Variants in BAIAP2 observed in about 807,000 individuals in gnomAD.
BAIAP2 encodes the protein BAR/IMD domain containing adaptor protein 2.
In BAIAP2, 18 loss-of-function variants were observed where a neutral mutation model predicts 63.0. That is an observed-to-expected ratio of 0.29 (90% CI 0.20 to 0.42). The LOEUF is 0.42. BAIAP2 is among the 10% of genes least tolerant of loss of function. The probability of loss-of-function intolerance (pLI) is 1.00; values close to 1 mark genes in which losing one functional copy is unlikely to be tolerated. For synonymous variants in BAIAP2, 386 were observed against 307.6 expected (o/e 1.25, Z -2.67); for missense variants, 610 against 734.3 (o/e 0.83, Z 1.96).
intron 3 of BAIAP2, among the ~76,000 whole-genome samples, chr17:81,067,731 G>A (rs929247803): frequency 3.3e-5 from 5 of 152,204 alleles, no homozygotes; most frequent in African/African-American, 4.8e-5. Flanking sequence ...GCCCAGCATC[G>A]CAGCGGGGAG....
chr17:81,076,805 CA>C (rs1242273552), intron 3 of BAIAP2, among the ~76,000 whole-genome samples: 1 of 152,018 alleles, frequency 6.6e-6, no homozygotes, highest in Admixed American at 6.5e-5. Flanking sequence ...CCCATGTCTA[CA>C]AAAGTATCTT....
chr17:81,112,327 C>T (rs1163680611), intron 13 of BAIAP2, among the ~76,000 whole-genome samples: 3 of 152,240 alleles, frequency 2.0e-5, no homozygotes, highest in African/African-American at 7.2e-5. Flanking sequence ...CAGTGGTGCT[C>T]AGCCCCAGCA....
intron 9 of BAIAP2, 72 bp downstream of exon 9, chr17:81,104,180 A>C (rs57792378): frequency 0.74 from 1,123,596 of 1,513,884 alleles, 418,875 homozygotes; most frequent in Middle Eastern, 0.85. Flanking sequence ...TCATGCCACA[A>C]CCCTCAATAG....
rs1388271303 is a variant in BAIAP2 at position 81,046,729 on chromosome 17, C to A, written c.55-6939C>A. ...TGCTGCAGGGCCCCTCCTGTACCTC[C>A]CTAGTCCATGCTGTACATGTGGCCG... On this transcript the variant is annotated intron_variant, in intron 1 of 13. Coordinates refer to ENST00000428708, the MANE Select transcript of BAIAP2 (RefSeq NM_001144888.2). The surrounding 1 kb of genome is among the most constrained non-coding windows in gnomAD (Gnocchi z 4.5). 1.3e-5 allele frequency among the ~76,000 whole-genome samples: 2 copies of A among 151,994 alleles called. No homozygotes were observed. Among genetic ancestry groups the A allele is most frequent in the Admixed American group, 6.5e-5 (1 of 15,270 alleles).
At chr17:81,044,496 C>T (rs1156721793) in intron 1 of BAIAP2, among the ~76,000 whole-genome samples, 1 of 152,252 alleles carries the variant, frequency 6.6e-6, no homozygotes, top group Non-Finnish European at 1.5e-5. Flanking sequence ...CCCTAGTGAC[C>T]CCAGTTACTT....
intron 3 of BAIAP2, among the ~76,000 whole-genome samples, chr17:81,081,781 G>A (rs572866092): frequency 1.2e-4 from 19 of 152,166 alleles, no homozygotes; most frequent in Non-Finnish European, 2.5e-4. Flanking sequence ...CATCCCGACC[G>A]TGAGAGGCCA....
At chr17:81,052,107 C>A (rs893555500) in intron 1 of BAIAP2, among the ~76,000 whole-genome samples, 2 of 152,220 alleles carry the variant, frequency 1.3e-5, no homozygotes, top group Non-Finnish European at 2.9e-5. Flanking sequence ...CTTCCTGCCT[C>A]CCCTGGGCCC....
Position 81,086,668 on chromosome 17 carries a change from G to A in BAIAP2, c.489+88G>A, listed in dbSNP as rs534635236. On this transcript the variant is annotated intron_variant, in intron 6 of 13. Coordinates refer to ENST00000428708, the MANE Select transcript of BAIAP2 (RefSeq NM_001144888.2). ...CCCCCTCGTCCACAGGGAGTGGACA[G>A]CAGCCCCCCAGGTGCGATCAGACAG... The A allele has an allele frequency of 9.5e-6, 14 of 1,475,946 alleles. No individual in the cohort carries two copies. In the East Asian group the frequency reaches 2.5e-4, roughly 26 times the overall value. 91.4% of individuals were successfully genotyped at this position (1,475,946 alleles called of 1,614,324 possible). A position where few individuals can be genotyped will look rare whatever the true frequency, so the allele number is the denominator to read the frequency against.
At chr17:81,057,602 G>C in intron 2 of BAIAP2, 1 of 1,147,558 alleles carries the variant, frequency 8.7e-7, no homozygotes, top group South Asian at 4.0e-5. Flanking sequence ...CACGTGATAG[G>C]GATCAGCTCT....
chr17:81,037,745 G>A (rs1275000734), intron 1 of BAIAP2, among the ~76,000 whole-genome samples: 3 of 152,254 alleles, frequency 2.0e-5, no homozygotes, highest in Non-Finnish European at 4.4e-5. Flanking sequence ...TGTCACCCGC[G>A]ATGCGGCTCA....
chr17:81,070,969 C>T (rs1405892207), intron 3 of BAIAP2, among the ~76,000 whole-genome samples: 1 of 152,232 alleles, frequency 6.6e-6, no homozygotes, highest in African/African-American at 2.4e-5. Flanking sequence ...CTCCCTCCAC[C>T]CCCATGTCCA....
chr17:81,110,558 G>A (rs1174005345), intron 13 of BAIAP2: 42 of 1,153,988 alleles, frequency 3.6e-5, no homozygotes, highest in Non-Finnish European at 4.5e-5. Flanking sequence ...GTGCGTCTTT[G>A]CCGTGGGGGC....
intron 13 of BAIAP2, among the ~76,000 whole-genome samples, chr17:81,115,460 T>C (rs182688408): frequency 7.9e-5 from 12 of 151,840 alleles, no homozygotes; most frequent in African/African-American, 2.4e-4. Context: ...TGGGAGGTTG[T>C]GGCTGGCCTG....
intron 3 of BAIAP2, among the ~76,000 whole-genome samples, chr17:81,071,424 C>G (rs543747542): frequency 2.0e-5 from 3 of 152,324 alleles, no homozygotes; most frequent in African/African-American, 7.2e-5. Context: ...CCTTTGGGCT[C>G]TGGAAGCCAC....
intron 3 of BAIAP2, among the ~76,000 whole-genome samples, chr17:81,068,467 TC>T (rs1343842965): frequency 3.3e-5 from 5 of 152,166 alleles, no homozygotes; most frequent in African/African-American, 1.2e-4. Flanking sequence ...TCACGGGTGT[TC>T]TTTTGGCCCC....
chr17:81,096,574 G>T (rs899603236), intron 6 of BAIAP2, among the ~76,000 whole-genome samples: 1 of 152,210 alleles, frequency 6.6e-6, no homozygotes, highest in Non-Finnish European at 1.5e-5. Flanking sequence ...GCATGGGTGG[G>T]TGCTCATCTC....
Position 81,101,635 on chromosome 17 carries a change from GCA to G in BAIAP2, c.642+1569_642+1570del, listed in dbSNP as rs57194901. 3.5e-4 allele frequency among the ~76,000 whole-genome samples: 53 copies of G among 151,584 alleles called. 1 individual carries two copies. In the South Asian group the frequency reaches 5.4e-3, roughly 15 times the overall value. ...CACTCTCATGTACGTGCGCGTGCGT[GCA>G]CACACACACACACGCACGTGATACA... is the stretch of plus-strand genomic sequence containing the variant. On this transcript the variant is annotated intron_variant, in intron 7 of 13. Transcript: ENST00000428708.
intron 6 of BAIAP2, chr17:81,087,005 G>A (rs933589579): frequency 3.9e-5 from 7 of 179,478 alleles, no homozygotes; most frequent in Non-Finnish European, 7.1e-5. Flanking sequence ...TTCTCTCACC[G>A]TCCCGCCGGC....
rs1555665361 is a variant in BAIAP2, at chr17:81,071,111, T to TTTTC, written c.217+13144_217+13145insTTTC. Among the ~76,000 whole-genome samples, 51 of 150,750 alleles carry TTTTC rather than the reference T, an allele frequency of 3.4e-4. 1 individual carries two copies. The highest frequency in any genetic ancestry group is 5.5e-4 in the Non-Finnish European group (37 of 67,604). ...AACACAGACATTGATTTTTTTTTTT[T>TTTTC]CCCCCATTGGTTACCCGCTGGCCAC... On this transcript the variant is annotated intron_variant, in intron 3 of 13. Coordinates refer to ENST00000428708, the MANE Select transcript of BAIAP2 (RefSeq NM_001144888.2).
Sources: gnomAD v4.1 joint callset for allele counts (sites outside exome capture counted in the v4.1 genomes callset) on GRCh38, gnomAD v4.1.1 for gene constraint, Gnocchi (gnomAD v3.1) non-coding constraint, MANE v1.5 for transcripts, NCBI Gene and HGNC (gene_info 2026-07-23, HGNC 2026-07-21) for gene names.